Variants in KLHL13 observed in about 807,000 individuals in gnomAD.
The protein encoded by KLHL13 is kelch-like protein 13.
A neutral mutation model predicts 37.1 loss-of-function variants in KLHL13; 10 were observed. The ratio of observed to expected loss-of-function variants is 0.27; its 90% CI spans 0.17 to 0.46. The LOEUF (loss-of-function observed/expected upper bound fraction) is 0.46. KLHL13 is among the 20% of genes least tolerant of loss of function. The pLI, the probability that KLHL13 is intolerant of heterozygous loss-of-function variation, is 1.00. For missense variants in KLHL13, 360 were observed against 509.3 expected, an observed-to-expected ratio of 0.71 and a Z score of 2.82; for synonymous variants, 163 against 181.2, an observed-to-expected ratio of 0.90 and a Z score of 0.81.
At chrX:118,093,540 A>G (rs138530522) in intron 1 of KLHL13, among the ~76,000 whole-genome samples, 287 of 112,017 alleles carry the variant, frequency 2.6e-3, no homozygotes, top group African/African-American at 8.9e-3. Context: ...TAATGAATAC[A>G]CAGGATGTGT....
chrX:118,105,021 C>T (rs1028945509), intron 1 of KLHL13, among the ~76,000 whole-genome samples: 2 of 112,218 alleles, frequency 1.8e-5, no homozygotes, highest in Non-Finnish European at 3.8e-5. Flanking sequence ...TTTGTTTTAA[C>T]CTCTAAAGTT....
At chrX:118,113,771 A>G (rs922260377) in intron 1 of KLHL13, among the ~76,000 whole-genome samples, 3 of 111,762 alleles carry the variant, frequency 2.7e-5, no homozygotes, top group African/African-American at 9.8e-5. Context: ...GATCTTCTTC[A>G]TTTGTTTGCT....
At chrX:117,979,294 T>A (rs2053632290) in intron 1 of KLHL13, among the ~76,000 whole-genome samples, 1 of 111,958 alleles carries the variant, frequency 8.9e-6, no homozygotes, top group Non-Finnish European at 1.9e-5. Context: ...AGATTACCAT[T>A]TTTAAATTGT....
chrX:118,049,877 G>A (rs1003673860), intron 1 of KLHL13, among the ~76,000 whole-genome samples: 5 of 111,430 alleles, frequency 4.5e-5, no homozygotes, highest in Non-Finnish European at 9.4e-5. Flanking sequence ...CCAAGTGCCA[G>A]AGTGGCTGAC....
chrX:117,962,259 C>T lies in KLHL13; in HGVS notation c.98+10472G>A, dbSNP rs193227812. 2.5e-4 allele frequency among the ~76,000 whole-genome samples: 26 copies of T among 105,969 alleles called. No individual in the cohort carries two copies. The East Asian group carries it at 7.0e-3, about 28-fold the overall frequency. 92.0% of individuals were successfully genotyped at this position (105,969 alleles called of 115,157 possible). A position where few individuals can be genotyped will look rare whatever the true frequency, so the allele number is the denominator to read the frequency against. Reference sequence around the variant, plus strand: ...TAAATGTGTGACATTTTAGGCCATTCGTTTGCAGTAATTTGATATGGCAGC... The same window carrying T: ...TAAATGTGTGACATTTTAGGCCATTTGTTTGCAGTAATTTGATATGGCAGC... On this transcript the variant is annotated intron_variant, in intron 1 of 6. Transcript: ENST00000262820.
At chrX:118,090,323 A>C (rs5956008) in intron 1 of KLHL13, among the ~76,000 whole-genome samples, 26,956 of 109,958 alleles carry the variant, frequency 0.25, 5,552 homozygotes, top group African/African-American at 0.69. Context: ...AAACTACCAA[A>C]AGAGTGAACA....
At chrX:117,943,329 T>C (rs1046338680) in intron 2 of KLHL13, among the ~76,000 whole-genome samples, 4 of 110,910 alleles carry the variant, frequency 3.6e-5, no homozygotes, top group African/African-American at 1.3e-4. Flanking sequence ...TTGAGGAGTA[T>C]CTTTGTGGCA....
intron 1 of KLHL13, among the ~76,000 whole-genome samples, chrX:117,988,997 TA>T (rs954084785): frequency 1.3e-4 from 14 of 111,814 alleles, no homozygotes; most frequent in African/African-American, 4.2e-4. Context: ...TTAGGAAGTT[TA>T]AAATTTTTAT....
chrX:117,945,666 C>T, intron 1 of KLHL13, 91 bp from the exon 3 acceptor site: 5 of 737,740 alleles, frequency 6.8e-6, no homozygotes, highest in Non-Finnish European at 1.0e-5. Context: ...GTCACTATTG[C>T]AATCATATGA....
intron 1 of KLHL13, among the ~76,000 whole-genome samples, chrX:118,091,187 G>A (rs1284867331): frequency 9.4e-6 from 1 of 106,721 alleles, no homozygotes; most frequent in Non-Finnish European, 1.9e-5. Context: ...TAAATGACGA[G>A]TTAATGGGTG....
chrX:118,040,983 T>C (rs777440220), intron 1 of KLHL13, among the ~76,000 whole-genome samples: 1 of 111,925 alleles, frequency 8.9e-6, no homozygotes, highest in South Asian at 3.7e-4. Flanking sequence ...CTTTCAAACA[T>C]GAAGGAGAAA....
At chrX:118,079,184 G>T (rs776060732) in intron 1 of KLHL13, among the ~76,000 whole-genome samples, 1 of 110,500 alleles carries the variant, frequency 9.0e-6, no homozygotes, top group East Asian at 2.8e-4. Context: ...TAAATTCGCA[G>T]AAAAAGAAAT....
chrX:118,092,220 CATAA>C (rs1427476518), intron 1 of KLHL13, among the ~76,000 whole-genome samples: 1 of 111,665 alleles, frequency 9.0e-6, no homozygotes. Flanking sequence ...TTAAAAAATA[CATAA>C]ATAAAATAAG....
chrX:117,902,647 C>T (rs1217972120), intron 5 of KLHL13, among the ~76,000 whole-genome samples: 1 of 110,666 alleles, frequency 9.0e-6, no homozygotes, highest in Non-Finnish European at 1.9e-5. Flanking sequence ...GGAGAAGTGA[C>T]CTCAACTCAC....
chrX:117,999,013 T>C (rs1414028184), intron 1 of KLHL13, among the ~76,000 whole-genome samples: 1 of 111,275 alleles, frequency 9.0e-6, no homozygotes, highest in Non-Finnish European at 1.9e-5. Flanking sequence ...GTGGTCACCA[T>C]TGTCAAAGTA....
At chrX:118,059,625 T>C (rs1257011265) in intron 1 of KLHL13, among the ~76,000 whole-genome samples, 1 of 111,590 alleles carries the variant, frequency 9.0e-6, no homozygotes, top group Non-Finnish European at 1.9e-5. Context: ...ACAAATAATA[T>C]AGCAGACTAT....
intron 1 of KLHL13, among the ~76,000 whole-genome samples, chrX:117,961,450 A>G (rs2053293873): frequency 1.8e-5 from 2 of 112,156 alleles, no homozygotes; most frequent in South Asian, 3.7e-4. Flanking sequence ...GATACAACAA[A>G]TGACCTCCTA....
intron 1 of KLHL13, among the ~76,000 whole-genome samples, chrX:118,114,164 CAT>C (rs1413776113): frequency 8.9e-6 from 1 of 112,352 alleles, no homozygotes; most frequent in Non-Finnish European, 1.9e-5. Flanking sequence ...GTTTATCAAA[CAT>C]CAATAAAAAT....
intron 1 of KLHL13, among the ~76,000 whole-genome samples, chrX:117,991,551 C>T (rs774746656): frequency 9.0e-6 from 1 of 111,032 alleles, no homozygotes; most frequent in Admixed American, 9.6e-5. Flanking sequence ...TTTGTAGACT[C>T]CACTTTCAAG....
Sources: gnomAD v4.1 joint callset for allele counts (sites outside exome capture counted in the v4.1 genomes callset) on GRCh38, gnomAD v4.1.1 for gene constraint, MANE v1.5 for transcripts, NCBI Gene and HGNC (gene_info 2026-07-23, HGNC 2026-07-21) for gene names.